MYO3B: variants seen among roughly 807,000 people sequenced by gnomAD.
MYO3B encodes the protein myosin IIIB.
A neutral mutation model predicts 174.6 loss-of-function variants in MYO3B; 156 were observed. The observed-to-expected ratio is 0.89, with a 90% CI of 0.78 to 1.02. The LOEUF is 1.02. Ranked by LOEUF, MYO3B falls within the 50% of genes least tolerant of loss-of-function variation. The pLI is 0.00. For synonymous variants in MYO3B, 563 were observed against 569.1 expected (o/e 0.99, Z 0.15); for missense variants, 1,632 against 1,639.4 (o/e 1.00, Z 0.08).
intron 16 of MYO3B, among the ~76,000 whole-genome samples, chr2:170,395,480 A>T (rs770884619): frequency 1.3e-5 from 2 of 152,134 alleles, no homozygotes; most frequent in Non-Finnish European, 2.9e-5. Context: ...TCGGCGCAAA[A>T]TTTCTTCCCT....
At chr2:170,502,970 C>T (rs901600870) in intron 28 of MYO3B, among the ~76,000 whole-genome samples, 1 of 152,112 alleles carries the variant, frequency 6.6e-6, no homozygotes, top group South Asian at 2.1e-4. Context: ...AACACCATCT[C>T]CTAGGAATTC....
intron 32 of MYO3B, among the ~76,000 whole-genome samples, chr2:170,645,858 A>G (rs188923931): frequency 1.4e-4 from 21 of 152,360 alleles, no homozygotes; most frequent in Non-Finnish European, 2.6e-4. Flanking sequence ...TCTTCTGTCA[A>G]CATCATACAC....
Position 170,537,498 on chromosome 2 carries a change from T to A in MYO3B, c.3576-5408T>A, listed in dbSNP as rs1689798183. On this transcript the variant is annotated intron_variant, in intron 30 of 34. Transcript: ENST00000408978. Reference sequence around the variant, plus strand: ...TTTTTTTTTGGTGGGGAAGCTGGAGTGCAGTGGCACAATCATAGCTCACTG... The same window carrying A: ...TTTTTTTTTGGTGGGGAAGCTGGAGAGCAGTGGCACAATCATAGCTCACTG... Among the ~76,000 whole-genome samples the A allele has an allele frequency of 8.4e-5, 10 of 119,550 alleles. No homozygotes were observed. In the South Asian group the frequency reaches 2.6e-3, roughly 31 times the overall value. The allele number at this position is 119,550 out of a possible 152,430, so 78.4% of individuals were successfully genotyped here.
chr2:170,272,503 C>T (rs2093432762), intron 7 of MYO3B, among the ~76,000 whole-genome samples: 1 of 152,172 alleles, frequency 6.6e-6, no homozygotes, highest in Non-Finnish European at 1.5e-5. Flanking sequence ...CCCAAGTTTT[C>T]CTCCTTCAGT....
chr2:170,551,455 C>T (rs1307172668), intron 32 of MYO3B, among the ~76,000 whole-genome samples: 1 of 145,622 alleles, frequency 6.9e-6, no homozygotes, highest in African/African-American at 2.5e-5. Flanking sequence ...ACTGCAGCCT[C>T]CACCTCCTGG....
At chr2:170,349,075 C>T (rs2094040084) in intron 8 of MYO3B, among the ~76,000 whole-genome samples, 1 of 152,174 alleles carries the variant, frequency 6.6e-6, no homozygotes, top group East Asian at 1.9e-4. Context: ...TGTGTCTTCC[C>T]AGTGCTTACA....
intron 32 of MYO3B, among the ~76,000 whole-genome samples, chr2:170,561,924 T>C (rs1691735868): frequency 6.6e-6 from 1 of 152,076 alleles, no homozygotes; most frequent in Non-Finnish European, 1.5e-5. Context: ...TTCTTCTTCA[T>C]TAAACAACAA....
Position 170,466,614 on chromosome 2 carries a change from G to A in MYO3B, c.2917G>A (p.Val973Met), listed in dbSNP as rs1224905959. 6.2e-7 allele frequency: 1 copy of A among 1,614,090 alleles called. No individual in the cohort carries two copies. The highest frequency in any genetic ancestry group is 1.3e-5 in the African/African-American group (1 of 74,924). The change falls in exon 25 of 35, where the codon GTG becomes ATG. Residue 973 changes from valine to methionine, a missense_variant. By Grantham distance (21) the Val-to-Met change is conservative. Transcript: ENST00000408978. ...GGCCCTGCAGTTCTCTCGAGAGAGG[G>A]TGCTGGCCCAGCTCCGCTCCACAGG... ...REALQFSRER[V>M]LAQLRSTGIL... is the part of the protein sequence containing the mutation.
At chr2:170,391,765 CA>C in intron 15 of MYO3B, 147 bp downstream of exon 15, 1 of 582,632 alleles carries the variant, frequency 1.7e-6, no homozygotes, top group Non-Finnish European at 3.0e-6. Flanking sequence ...AGGAAGTATC[CA>C]CCATTTTCAT....
At chr2:170,472,276 G>A (rs2105984195) in intron 25 of MYO3B, among the ~76,000 whole-genome samples, 1 of 152,150 alleles carries the variant, frequency 6.6e-6, no homozygotes, top group East Asian at 1.9e-4. Flanking sequence ...CTGGTGTAAG[G>A]GAGTCCACCT....
chr2:170,358,855 T>A (rs1173170721), intron 8 of MYO3B, among the ~76,000 whole-genome samples: 1 of 152,164 alleles, frequency 6.6e-6, no homozygotes, highest in African/African-American at 2.4e-5. Flanking sequence ...AAGGCAGTAG[T>A]TGTTCAGGAG....
intron 8 of MYO3B, chr2:170,350,597 C>T (rs1406552860): frequency 6.6e-6 from 1 of 152,088 alleles, no homozygotes; most frequent in Non-Finnish European, 1.5e-5. Flanking sequence ...GGGTAAAAAT[C>T]GAGATGTGGA....
At chr2:170,476,314 G>A (rs893295203) in intron 25 of MYO3B, among the ~76,000 whole-genome samples, 1 of 89,868 alleles carries the variant, frequency 1.1e-5, no homozygotes, top group African/African-American at 3.9e-5. Context: ...TGGCTTAAGT[G>A]TTAAACCAGC....
chr2:170,622,218 G>A (rs1481141328), intron 32 of MYO3B, among the ~76,000 whole-genome samples: 1 of 152,170 alleles, frequency 6.6e-6, no homozygotes, highest in African/African-American at 2.4e-5. Flanking sequence ...ATGTTGCAGT[G>A]TGGCTAATTG....
intron 6 of MYO3B, among the ~76,000 whole-genome samples, chr2:170,232,672 C>G (rs1458024938): frequency 1.3e-5 from 2 of 152,200 alleles, no homozygotes; most frequent in South Asian, 2.1e-4. Context: ...CCATGCTATC[C>G]TCAGTTTCCA....
At chr2:170,544,442 T>C (rs548769383) in intron 32 of MYO3B, among the ~76,000 whole-genome samples, 1 of 152,334 alleles carries the variant, frequency 6.6e-6, no homozygotes, top group African/African-American at 2.4e-5. Flanking sequence ...GTTTTCTAAA[T>C]GTCTTGCTAC....
At chr2:170,456,685 G>A (rs970579706) in intron 23 of MYO3B, among the ~76,000 whole-genome samples, 5 of 152,132 alleles carry the variant, frequency 3.3e-5, no homozygotes, top group Non-Finnish European at 7.3e-5. Context: ...TTAAAACTAC[G>A]CTAAAACTAA....
intron 6 of MYO3B, among the ~76,000 whole-genome samples, chr2:170,231,013 CTG>C (rs1175666360): frequency 6.6e-6 from 1 of 152,230 alleles, no homozygotes; most frequent in African/African-American, 2.4e-5. Flanking sequence ...GAGCTGCTGA[CTG>C]TTGTTTTTCT....
chr2:170,500,356 C>G (rs964526244), intron 27 of MYO3B, among the ~76,000 whole-genome samples: 2 of 152,286 alleles, frequency 1.3e-5, no homozygotes, highest in South Asian at 2.1e-4. Context: ...CAAAGTTCAT[C>G]TGACCTCTGG....
Sources: allele counts gnomAD v4.1 joint callset (sites outside exome capture counted in the v4.1 genomes callset), GRCh38; gene constraint gnomAD v4.1.1; transcripts MANE v1.5; gene names NCBI Gene and HGNC (gene_info 2026-07-23, HGNC 2026-07-21).